The following XYLT1 variants were observed in gnomAD, a reference collection of about 807,000 sequenced individuals.
The protein encoded by XYLT1 is xylosyltransferase 1.
Under a neutral mutation model 91.3 loss-of-function variants are expected in XYLT1, and 36 were observed. The ratio of observed to expected loss-of-function variants is 0.39; its 90% CI spans 0.30 to 0.52. XYLT1 has a LOEUF of 0.52. Ranked by LOEUF, XYLT1 falls within the 20% of genes least tolerant of loss-of-function variation. The pLI, the probability that XYLT1 is intolerant of heterozygous loss-of-function variation, is 0.68. For missense variants in XYLT1, 1,242 were observed against 1,284.5 expected (o/e 0.97, Z 0.51); for synonymous variants, 588 against 532.0 (o/e 1.11, Z -1.45).
intron 1 of XYLT1, among the ~76,000 whole-genome samples, chr16:17,450,741 AAG>A (rs1281074745): frequency 6.6e-6 from 1 of 152,180 alleles, no homozygotes; most frequent in African/African-American, 2.4e-5. Context: ...TAAACAGACT[AAG>A]ACATTCCAGC....
At chr16:17,344,173 T>C (rs2035107078) in intron 2 of XYLT1, among the ~76,000 whole-genome samples, 1 of 151,962 alleles carries the variant, frequency 6.6e-6, no homozygotes, top group Non-Finnish European at 1.5e-5. Flanking sequence ...CATTCTACAA[T>C]GCAGAGAACA....
chr16:17,175,015 C>T (rs1008296437), intron 5 of XYLT1, among the ~76,000 whole-genome samples: 1 of 152,130 alleles, frequency 6.6e-6, no homozygotes. Context: ...CAAGTTACCG[C>T]CCTCTTTGGC....
Position 17,470,783 on chromosome 16 carries a change from G to C in XYLT1, c.14C>G (p.Pro5Arg). The C allele has an allele frequency of 9.7e-7, 1 of 1,030,554 alleles. No homozygotes were observed. The highest frequency in any genetic ancestry group is 1.2e-6 in the Non-Finnish European group (1 of 859,110). The allele number at this position is 1,030,554 out of a possible 1,614,324, so 63.8% of individuals were successfully genotyped here. Residue 5 changes from proline to arginine, a missense_variant, in exon 1 of 12, where the codon CCG becomes CGG. Physicochemically the swap from Pro to Arg is moderately radical, Grantham distance 103. Around this residue, in one of 3 missense-constraint regions of XYLT1, gnomAD observed 437 missense variants for 411.5 expected, o/e 1.06. Coordinates refer to ENST00000261381, the MANE Select transcript of XYLT1 (RefSeq NM_022166.4). MVAA[P>R]CARRLARRSH... is the part of the protein sequence containing the mutation. Reference sequence around the variant, plus strand: ...GCGCCGGGCCAGCCTCCGGGCGCACGGCGCCGCCACCATCTTCGGAGCGCG... The same window carrying C: ...GCGCCGGGCCAGCCTCCGGGCGCACCGCGCCGCCACCATCTTCGGAGCGCG...
chr16:17,145,771 C>G (rs2031114763), intron 6 of XYLT1, among the ~76,000 whole-genome samples: 1 of 152,200 alleles, frequency 6.6e-6, no homozygotes, highest in Non-Finnish European at 1.5e-5. Flanking sequence ...TGGGGAGGTT[C>G]TTAGGCTCCA....
At chr16:17,365,141 T>A (rs1176462159) in intron 1 of XYLT1, among the ~76,000 whole-genome samples, 1 of 152,148 alleles carries the variant, frequency 6.6e-6, no homozygotes, top group Non-Finnish European at 1.5e-5. Flanking sequence ...TGCAAAGTGT[T>A]CCCTTCTCCC....
intron 2 of XYLT1, among the ~76,000 whole-genome samples, chr16:17,288,996 C>T (rs749810402): frequency 6.6e-6 from 1 of 152,168 alleles, no homozygotes; most frequent in Non-Finnish European, 1.5e-5. Flanking sequence ...AGTCACTTGT[C>T]TAAGGCAACC....
intron 3 of XYLT1, among the ~76,000 whole-genome samples, chr16:17,222,052 A>G (rs144351155): frequency 0.01 from 1,575 of 152,262 alleles, 23 homozygotes; most frequent in African/African-American, 0.036. Flanking sequence ...GGCATGACAA[A>G]TTCACAGCCC....
intron 2 of XYLT1, among the ~76,000 whole-genome samples, chr16:17,297,878 G>A (rs1283907728): frequency 1.3e-5 from 2 of 152,060 alleles, no homozygotes; most frequent in South Asian, 2.1e-4. Flanking sequence ...AACATTAGCC[G>A]GGCGTGGTGG....
chr16:17,343,880 T>G (rs1488678625), intron 2 of XYLT1, among the ~76,000 whole-genome samples: 1 of 152,150 alleles, frequency 6.6e-6, no homozygotes, highest in African/African-American at 2.4e-5. Context: ...CCAGGTCACA[T>G]GAGGTCACTT....
chr16:17,399,303 G>A (rs1232709063), intron 1 of XYLT1, among the ~76,000 whole-genome samples: 2 of 152,090 alleles, frequency 1.3e-5, no homozygotes, highest in African/African-American at 2.4e-5. Context: ...GTAAAGACCT[G>A]GGTTCTCCCT....
At chr16:17,453,002 A>G (rs1203274711) in intron 1 of XYLT1, among the ~76,000 whole-genome samples, 1 of 152,240 alleles carries the variant, frequency 6.6e-6, no homozygotes, top group Non-Finnish European at 1.5e-5. Context: ...GCAAACTACC[A>G]GAATTTAAGG....
At chr16:17,325,876 G>C (rs1396651486) in intron 2 of XYLT1, among the ~76,000 whole-genome samples, 1 of 152,158 alleles carries the variant, frequency 6.6e-6, no homozygotes, top group Admixed American at 6.5e-5. Context: ...TCATTTCTAA[G>C]CATGAACTGG....
intron 10 of XYLT1, among the ~76,000 whole-genome samples, chr16:17,124,880 C>T (rs1223026518): frequency 5.9e-5 from 9 of 152,094 alleles, no homozygotes; most frequent in Non-Finnish European, 1.0e-4. Flanking sequence ...TCGTTTGATT[C>T]GATTGCTGAG....
intron 3 of XYLT1, among the ~76,000 whole-genome samples, chr16:17,218,516 CTTGTGCTCAGCAGTGA>C (rs1222832191): frequency 1.3e-5 from 2 of 152,098 alleles, no homozygotes; most frequent in East Asian, 3.9e-4. Flanking sequence ...CATAGCAGGG[CTTGTGCTCAGCAGTGA>C]TTGTGAGCTA....
intron 2 of XYLT1, among the ~76,000 whole-genome samples, chr16:17,284,226 C>T (rs2034099833): frequency 6.6e-6 from 1 of 152,234 alleles, no homozygotes; most frequent in Admixed American, 6.5e-5. Context: ...GCAACCGGTA[C>T]TTAGCAAACA....
chr16:17,450,692 C>T (rs114333829), intron 1 of XYLT1, among the ~76,000 whole-genome samples: 3 of 152,174 alleles, frequency 2.0e-5, no homozygotes, highest in Admixed American at 6.5e-5. Flanking sequence ...ATCCAGGTAT[C>T]CTGACTCCTG....
intron 3 of XYLT1, among the ~76,000 whole-genome samples, chr16:17,222,404 G>A (rs1216509712): frequency 6.6e-6 from 1 of 151,864 alleles, no homozygotes; most frequent in African/African-American, 2.4e-5. Context: ...CCCCACAGAA[G>A]GGATTATCTG....
chr16:17,310,506 T>G (rs561029642), intron 2 of XYLT1, among the ~76,000 whole-genome samples: 29 of 152,100 alleles, frequency 1.9e-4, no homozygotes, highest in Non-Finnish European at 3.7e-4. Flanking sequence ...TAATGTGCCC[T>G]CCTCCTACTC....
At chr16:17,314,053 A>G (rs1453352594) in intron 2 of XYLT1, among the ~76,000 whole-genome samples, 6 of 152,198 alleles carry the variant, frequency 3.9e-5, no homozygotes, top group African/African-American at 1.4e-4. Context: ...AAAGAACATT[A>G]GAACTCAATT....
Sources: allele counts gnomAD v4.1 joint callset (sites outside exome capture counted in the v4.1 genomes callset), GRCh38; gene constraint gnomAD v4.1.1; regional missense constraint gnomAD v4.1.1; transcripts MANE v1.5; gene names NCBI Gene and HGNC (gene_info 2026-07-23, HGNC 2026-07-21).